TEKT5: variants seen among roughly 807,000 people sequenced by gnomAD.
TEKT5 encodes tektin 5.
In TEKT5, 52 loss-of-function variants were observed where a neutral mutation model predicts 48.7. The ratio of observed to expected loss-of-function variants is 1.07; its 90% confidence interval spans 0.86 to 1.35. TEKT5 has a LOEUF of 1.35. TEKT5 is among the 40% of genes most tolerant of loss of function. The pLI is 0.00. For missense variants in TEKT5, 831 were observed against 641.6 expected, an observed-to-expected ratio of 1.30 and a Z score of -3.19; for synonymous variants, 318 against 267.6, an observed-to-expected ratio of 1.19 and a Z score of -1.84.
At position 10,675,851 on chromosome 16, in the gene TEKT5, G is replaced by A; in HGVS notation, c.1086+108C>T. 4 of 1,108,300 alleles carry A rather than the reference G, an allele frequency of 3.6e-6. No individual in the cohort carries two copies. In the Admixed American group the frequency reaches 5.4e-5, roughly 15 times the overall value. The allele number at this position is 1,108,300 out of a possible 1,614,324, so 68.7% of individuals were successfully genotyped here. The stretch of plus-strand genomic sequence containing the variant: ...CACAGACCTTGGGAGAGAGGGTACT[G>A]CTTTGGCACCAGGGGCAGGGCCAGC... On this transcript the variant is annotated intron_variant, in intron 5 of 6. Coordinates refer to ENST00000283025, the MANE Select transcript of TEKT5 (RefSeq NM_144674.2).
At position 10,689,521 on chromosome 16, in the gene TEKT5, C is replaced by CTT. The variant is rs35713504; in HGVS notation, c.649-200_649-199dup. Among the ~76,000 whole-genome samples the CTT allele has an allele frequency of 1.7e-3, 182 of 105,484 alleles. 1 individual carries two copies. Among genetic ancestry groups the CTT allele is most frequent in the African/African-American group, 2.2e-3 (60 of 26,830 alleles). The allele number at this position is 105,484 out of a possible 152,430, so 69.2% of individuals were successfully genotyped here. ...TAAGGGTTGATTGTGGAGGCTCCAC[C>CTT]TTTTTTTTTTTTTTTTTTTTTGCCC... On this transcript the variant is annotated intron_variant, in intron 2 of 6. Coordinates refer to ENST00000283025, the MANE Select transcript of TEKT5 (RefSeq NM_144674.2).
chr16:10,673,297 A>C (rs1223439550), intron 5 of TEKT5, among the ~76,000 whole-genome samples: 4 of 152,078 alleles, frequency 2.6e-5, no homozygotes, highest in African/African-American at 7.2e-5. Context: ...CCCACTGCCT[A>C]GTTTTGTGAA....
Position 10,641,385 on chromosome 16 carries a change from C to T in TEKT5, c.1087-5467G>A, listed in dbSNP as rs73507968. Among the ~76,000 whole-genome samples the T allele has an allele frequency of 3.1e-3, 468 of 152,228 alleles. 6 individuals carry two copies. Among genetic ancestry groups the T allele is most frequent in the African/African-American group, 0.011 (450 of 41,518 alleles). Reference sequence around the variant, plus strand: ...GGTCCCCAAGCACCAGCCACTGAGACGTTACAGCCAAGAGGGGCCTGGTAT... The same window carrying T: ...GGTCCCCAAGCACCAGCCACTGAGATGTTACAGCCAAGAGGGGCCTGGTAT... On this transcript the variant is annotated intron_variant, in intron 5 of 6. Transcript: ENST00000283025.
intron 5 of TEKT5, among the ~76,000 whole-genome samples, chr16:10,653,689 G>C (rs575182438): frequency 6.6e-6 from 1 of 152,178 alleles, no homozygotes; most frequent in Admixed American, 6.5e-5. Context: ...AAGGTGGGGA[G>C]ATCACCTGAG....
At chr16:10,687,610 G>T (rs1490995024) in intron 3 of TEKT5, among the ~76,000 whole-genome samples, 1 of 152,008 alleles carries the variant, frequency 6.6e-6, no homozygotes, top group Non-Finnish European at 1.5e-5. Flanking sequence ...TAAAATAGCT[G>T]AGTGTGGTGG....
At chr16:10,663,047 T>C (rs1898401693) in intron 5 of TEKT5, among the ~76,000 whole-genome samples, 2 of 152,080 alleles carry the variant, frequency 1.3e-5, no homozygotes, top group Non-Finnish European at 1.5e-5. Context: ...ATCCACCCAC[T>C]CACCCTCAAC....
chr16:10,654,803 A>G (rs1453003786), intron 5 of TEKT5, among the ~76,000 whole-genome samples: 2 of 151,964 alleles, frequency 1.3e-5, no homozygotes, highest in Non-Finnish European at 2.9e-5. Context: ...AATTCCTACA[A>G]CAAATCTCCT....
chr16:10,629,643 AGCTGCTACGAGTGAGTGTTG>A (rs1897808235), intron 6 of TEKT5, among the ~76,000 whole-genome samples: 1 of 152,210 alleles, frequency 6.6e-6, no homozygotes, highest in African/African-American at 2.4e-5. Context: ...CACCATCCCC[AGCTGCTACGAGTGAGTGTTG>A]GCTGCTAATG....
chr16:10,639,593 A>C (rs1172050384), intron 5 of TEKT5, among the ~76,000 whole-genome samples: 4 of 152,204 alleles, frequency 2.6e-5, no homozygotes, highest in Non-Finnish European at 5.9e-5. Context: ...AGTCCCTAGC[A>C]CATACTAAGT....
intron 5 of TEKT5, among the ~76,000 whole-genome samples, chr16:10,638,980 T>G (rs545432466): frequency 7.9e-5 from 12 of 152,290 alleles, no homozygotes; most frequent in Non-Finnish European, 5.9e-5. Context: ...TGACAATGAT[T>G]TACAACATAA....
At chr16:10,679,471 G>C (rs1898706971) in intron 4 of TEKT5, among the ~76,000 whole-genome samples, 1 of 149,254 alleles carries the variant, frequency 6.7e-6, no homozygotes, top group Non-Finnish European at 1.5e-5. Context: ...AAAAAAAAAA[G>C]GTGTCTACTG....
intron 5 of TEKT5, among the ~76,000 whole-genome samples, chr16:10,662,903 T>C (rs576949110): frequency 1.1e-3 from 174 of 152,334 alleles, no homozygotes; most frequent in African/African-American, 4.0e-3. Context: ...AAGCTCTCAG[T>C]AAGGCTAATA....
chr16:10,677,103 A>T (rs1203477236), intron 4 of TEKT5, among the ~76,000 whole-genome samples: 1 of 152,088 alleles, frequency 6.6e-6, no homozygotes, highest in Non-Finnish European at 1.5e-5. Context: ...AGGTGGGAGG[A>T]TCGCTTGAGC....
Position 10,694,798 on chromosome 16 carries a change from C to G in TEKT5, c.76G>C (p.Ala26Pro), listed in dbSNP as rs753426811. ...TCCTGGATCACTGGCGCCTGTACAG[C>G]TGGCAGTGAGGTCAAGCCACAGCAT... ...KKCCGLTSLP[A>P]VQAPVIQECY... The change falls in exon 1 of 7, where the codon GCT becomes CCT. Residue 26 changes from alanine to proline, a missense_variant. Ala to Pro is a conservative substitution (Grantham distance 27, BLOSUM62 -1). Coordinates refer to ENST00000283025, the MANE Select transcript of TEKT5 (RefSeq NM_144674.2). The G allele has an allele frequency of 3.1e-6, 5 of 1,612,206 alleles. No individual in the cohort carries two copies. The highest frequency in any genetic ancestry group is 1.3e-5 in the African/African-American group (1 of 74,908).
intron 5 of TEKT5, among the ~76,000 whole-genome samples, chr16:10,637,863 T>A (rs924836705): frequency 4.6e-5 from 7 of 152,212 alleles, no homozygotes; most frequent in Non-Finnish European, 1.5e-5. Flanking sequence ...CAGGCTGGAG[T>A]GCAGTTGCGC....
intron 3 of TEKT5, among the ~76,000 whole-genome samples, chr16:10,688,947 G>A (rs965074615): frequency 2.0e-5 from 3 of 152,172 alleles, no homozygotes; most frequent in Non-Finnish European, 4.4e-5. Context: ...CAGGGCTCTC[G>A]CTGTAAACAA....
chr16:10,687,717 C>A (rs1207591959), intron 3 of TEKT5, among the ~76,000 whole-genome samples: 1 of 152,270 alleles, frequency 6.6e-6, no homozygotes, highest in African/African-American at 2.4e-5. Context: ...CATACCACTG[C>A]ACTCCAGTCT....
Position 10,627,835 on chromosome 16 carries a change from CATTT to C in TEKT5, c.1242-40_1242-37del, listed in dbSNP as rs762347585. ...GGCAGAGGAGAAGGCACAGGTTATT[CATTT>C]ATTTTTATTTGTTTATTTTTTGAGA... On this transcript the variant is annotated intron_variant, in intron 6 of 6. Coordinates refer to ENST00000283025, the MANE Select transcript of TEKT5 (RefSeq NM_144674.2). 3.2e-6 allele frequency: 5 copies of C among 1,579,658 alleles called. No homozygotes were observed. The East Asian group carries it at 1.1e-4, about 36-fold the overall frequency.
intron 5 of TEKT5, among the ~76,000 whole-genome samples, chr16:10,664,272 AG>A (rs1898423022): frequency 6.6e-6 from 1 of 152,188 alleles, no homozygotes; most frequent in East Asian, 1.9e-4. Context: ...TGCTGCAGGG[AG>A]GGAAGGAAGA....
Sources: gnomAD v4.1 joint callset for allele counts (sites outside exome capture counted in the v4.1 genomes callset) on GRCh38, gnomAD v4.1.1 for gene constraint, MANE v1.5 for transcripts, NCBI Gene and HGNC (gene_info 2026-07-23, HGNC 2026-07-21) for gene names.